Variants in SPECC1 observed in about 807,000 individuals in gnomAD.
The protein encoded by SPECC1 is cytospin-B.
A neutral mutation model predicts 104.1 loss-of-function variants in SPECC1; 62 were observed. That is an observed-to-expected ratio of 0.60 (90% confidence interval 0.49 to 0.74). The LOEUF (loss-of-function observed/expected upper bound fraction) is 0.74. Among genes scored for constraint, SPECC1 ranks in the 30% least tolerant of loss-of-function variants. SPECC1 has a pLI of 0.00. For missense variants in SPECC1, 1,306 were observed against 1,310.5 expected (o/e 1.00, Z 0.05); for synonymous variants, 513 against 501.6 (o/e 1.02, Z -0.30).
chr17:20,075,825 T>C (rs1207329264), intron 1 of SPECC1, among the ~76,000 whole-genome samples: 1 of 152,038 alleles, frequency 6.6e-6, no homozygotes, highest in Non-Finnish European at 1.5e-5. Flanking sequence ...TGTGCACCTG[T>C]AGCACCAGCT....
chr17:20,246,154 C>G, intron 8 of SPECC1, 83 bp downstream of exon 8: 1 of 1,520,700 alleles, frequency 6.6e-7, no homozygotes, highest in Non-Finnish European at 8.9e-7. Context: ...CTCTACTCCA[C>G]CCTGGCCCTG....
At chr17:20,231,697 C>A in intron 5 of SPECC1, 61 bp from the exon 6 acceptor site, 1 of 1,489,022 alleles carries the variant, frequency 6.7e-7, no homozygotes, top group Non-Finnish European at 9.4e-7. Context: ...TGCTACCTAG[C>A]GTGTCTTCTC....
chr17:20,103,394 G>A (rs568473109), intron 2 of SPECC1, among the ~76,000 whole-genome samples: 1 of 152,298 alleles, frequency 6.6e-6, no homozygotes, highest in Admixed American at 6.5e-5. Flanking sequence ...TCTTTAGGTG[G>A]TTAACTCTGA....
At chr17:20,245,342 A>T (rs897059356) in intron 7 of SPECC1, among the ~76,000 whole-genome samples, 1 of 152,270 alleles carries the variant, frequency 6.6e-6, no homozygotes, top group African/African-American at 2.4e-5. Context: ...GCACCATAGC[A>T]TCTTGTCTCT....
In SPECC1 at chr17:20,016,324, C is replaced by T. The variant is rs182838466; in HGVS notation, c.-22+6900C>T. 6.8e-3 allele frequency among the ~76,000 whole-genome samples: 1,042 copies of T among 152,292 alleles called. 11 individuals carry two copies. Among genetic ancestry groups the T allele is most frequent in the Admixed American group, 0.011 (170 of 15,304 alleles). On this transcript the variant is annotated intron_variant, in intron 1 of 14. Coordinates refer to ENST00000395527, the MANE Select transcript of SPECC1 (RefSeq NM_001243439.2). ...TGACAGCGTGCTGGCAGTCCTCGCT[C>T]GCTCTCGGTGCCTCCTCAGCCTTAG...
chr17:20,157,369 G>C (rs1364659883), intron 3 of SPECC1, among the ~76,000 whole-genome samples: 1 of 152,002 alleles, frequency 6.6e-6, no homozygotes, highest in Non-Finnish European at 1.5e-5. Flanking sequence ...TCAGGGGCCA[G>C]CTTACTGCCT....
At chr17:20,226,531 ACT>A (rs946877568) in intron 4 of SPECC1, among the ~76,000 whole-genome samples, 6 of 152,184 alleles carry the variant, frequency 3.9e-5, no homozygotes, top group Non-Finnish European at 7.3e-5. Flanking sequence ...AATGCTTATT[ACT>A]CTCTGAGGTA....
intron 3 of SPECC1, among the ~76,000 whole-genome samples, chr17:20,189,121 A>G (rs1351234892): frequency 6.6e-6 from 1 of 152,016 alleles, no homozygotes; most frequent in Admixed American, 6.5e-5. Flanking sequence ...AGCTTTTCCC[A>G]TCTGTCCTGA....
chr17:20,073,734 A>G (rs1194702061), intron 1 of SPECC1: 6 of 152,150 alleles, frequency 3.9e-5, no homozygotes, highest in African/African-American at 1.4e-4. Flanking sequence ...TTTAAGACAG[A>G]GATGGAAAAT....
chr17:20,262,356 A>G lies in SPECC1; in HGVS notation c.2940+2062A>G, dbSNP rs572470531. Among the ~76,000 whole-genome samples the G allele has an allele frequency of 5.8e-4, 88 of 152,352 alleles. 2 individuals are homozygous for G. In the South Asian group the frequency reaches 0.018, roughly 31 times the overall value. On this transcript the variant is annotated intron_variant, in intron 12 of 14. Coordinates refer to ENST00000395527, the MANE Select transcript of SPECC1 (RefSeq NM_001243439.2). ...TTCCTGGGCCATAGGGTATGCATAC[A>G]ATCTAGTGGATAGTGCCAAACAGAT...
At chr17:20,069,980 A>G (rs2046490438) in intron 1 of SPECC1, among the ~76,000 whole-genome samples, 1 of 151,806 alleles carries the variant, frequency 6.6e-6, no homozygotes. Flanking sequence ...GCCTTCCTGA[A>G]CTCCTTTATT....
chr17:20,084,385 T>C (rs1254290247), intron 1 of SPECC1, among the ~76,000 whole-genome samples: 1 of 152,112 alleles, frequency 6.6e-6, no homozygotes, highest in African/African-American at 2.4e-5. Flanking sequence ...GCCGAGACTG[T>C]GCCGTTGCCA....
chr17:20,141,642 C>T (rs1439174507), intron 3 of SPECC1, among the ~76,000 whole-genome samples: 3 of 152,182 alleles, frequency 2.0e-5, no homozygotes, highest in Non-Finnish European at 2.9e-5. Context: ...ACAACCATCA[C>T]CGCAGATGAG....
At chr17:20,162,029 A>C (rs918071534) in intron 3 of SPECC1, among the ~76,000 whole-genome samples, 1 of 151,668 alleles carries the variant, frequency 6.6e-6, no homozygotes, top group Non-Finnish European at 1.5e-5. Flanking sequence ...TCCTGACCTC[A>C]GGTGATCCGC....
intron 1 of SPECC1, among the ~76,000 whole-genome samples, chr17:20,032,749 T>C (rs180700272): frequency 2.0e-3 from 297 of 152,190 alleles, no homozygotes; most frequent in Non-Finnish European, 2.5e-3. Context: ...CCAAAGTCTT[T>C]TTCTGTTAAA....
intron 5 of SPECC1, among the ~76,000 whole-genome samples, chr17:20,227,870 G>A (rs559141825): frequency 1.6e-4 from 25 of 152,300 alleles, no homozygotes; most frequent in African/African-American, 6.0e-4. Flanking sequence ...AGCCGAGATT[G>A]CGCCACTGCA....
chr17:20,226,257 G>A (rs1360241376), intron 4 of SPECC1, among the ~76,000 whole-genome samples: 2 of 152,164 alleles, frequency 1.3e-5, no homozygotes, highest in African/African-American at 4.8e-5. Context: ...TTAAAGTAAT[G>A]ACTTAGCATG....
chr17:20,285,691 G>A (rs952383251), intron 12 of SPECC1, among the ~76,000 whole-genome samples: 1 of 152,000 alleles, frequency 6.6e-6, no homozygotes, highest in Non-Finnish European at 1.5e-5. Context: ...TGTTCAGAGT[G>A]GACACCACAC....
At chr17:20,236,738 C>T in intron 7 of SPECC1, 1 of 1,254,126 alleles carries the variant, frequency 8.0e-7, no homozygotes, top group Non-Finnish European at 1.1e-6. Context: ...GTTGGCCTAT[C>T]CTGGACATTA....
Sources: gnomAD v4.1 joint callset for allele counts (sites outside exome capture counted in the v4.1 genomes callset) on GRCh38, gnomAD v4.1.1 for gene constraint, MANE v1.5 for transcripts, NCBI Gene and HGNC (gene_info 2026-07-23, HGNC 2026-07-21) for gene names.